Variants in HMCN1 observed in about 807,000 individuals in gnomAD.
The protein encoded by HMCN1 is hemicentin 1, also known as hemicentin-1.
In HMCN1, 321 loss-of-function variants were observed where a neutral mutation model predicts 625.9. That is an observed-to-expected ratio of 0.51 (90% confidence interval 0.47 to 0.56). The LOEUF is 0.56. Among genes scored for constraint, HMCN1 ranks in the 20% least tolerant of loss-of-function variants. The probability of loss-of-function intolerance (pLI) is 0.00; values close to 1 mark genes in which losing one functional copy is unlikely to be tolerated. For synonymous variants in HMCN1, 2,425 were observed against 2,417.6 expected (o/e 1.00, Z -0.09); for missense variants, 6,588 against 6,887.3 (o/e 0.96, Z 1.54).
intron 71 of HMCN1, among the ~76,000 whole-genome samples, chr1:186,111,227 C>T (rs1660871932): frequency 1.3e-5 from 2 of 151,738 alleles, no homozygotes; most frequent in African/African-American, 4.8e-5. Flanking sequence ...GTGATCCACC[C>T]GCCTCAGCCT....
intron 1 of HMCN1, among the ~76,000 whole-genome samples, chr1:185,831,728 A>C (rs921412856): frequency 6.6e-6 from 1 of 152,344 alleles, no homozygotes; most frequent in African/African-American, 2.4e-5. Flanking sequence ...AACGTATAAT[A>C]GAAGAAATAC....
At chr1:186,163,904 C>A (rs1031089061) in intron 97 of HMCN1, among the ~76,000 whole-genome samples, 2 of 152,130 alleles carry the variant, frequency 1.3e-5, no homozygotes, top group Non-Finnish European at 2.9e-5. Context: ...ATGATAGCCC[C>A]CCTATTTATA....
chr1:186,141,029 C>G (rs148693989), intron 89 of HMCN1, among the ~76,000 whole-genome samples: 2 of 152,088 alleles, frequency 1.3e-5, no homozygotes, highest in African/African-American at 4.8e-5. Flanking sequence ...GCATGTTTTC[C>G]TGCAACTAGA....
chr1:186,048,824 A>C lies in HMCN1; in HGVS notation c.6562A>C (p.Asn2188His). Reference sequence around the variant, plus strand: ...TGCTGGAAAAACTGAAAAAAACTACAATGTCAACATTTGGGGTAAGTGTAA... The same window carrying C: ...TGCTGGAAAAACTGAAAAAAACTACCATGTCAACATTTGGGGTAAGTGTAA... ...NVAGKTEKNY[N>H]VNIWVPPNIG... Residue 2188 changes from asparagine (N) to histidine (H), a missense_variant, in exon 42 of 107, where the codon AAT becomes CAT. By Grantham distance (68) the Asn-to-His change is moderately conservative. Around this residue, in one of 3 missense-constraint regions of HMCN1, gnomAD observed 4,628 missense variants for 4,853.1 expected, o/e 0.95. Transcript: ENST00000271588. 1 of 1,606,146 alleles carries C rather than the reference A, an allele frequency of 6.2e-7. No homozygotes were observed. The highest frequency in any genetic ancestry group is 1.7e-4 in the Middle Eastern group (1 of 6,022).
At chr1:185,755,257 T>C (rs894453754) in intron 1 of HMCN1, among the ~76,000 whole-genome samples, 3 of 152,232 alleles carry the variant, frequency 2.0e-5, no homozygotes, top group African/African-American at 2.4e-5. Flanking sequence ...ACATTTAAAA[T>C]TATTACATCT....
intron 13 of HMCN1, 95 bp downstream of exon 13, chr1:185,963,990 C>T: frequency 2.0e-6 from 2 of 992,984 alleles, no homozygotes; most frequent in Non-Finnish European, 3.2e-6. Flanking sequence ...ATTAGTAATG[C>T]ATACATGGTA....
At chr1:186,109,453 T>C (rs1387938263) in intron 71 of HMCN1, among the ~76,000 whole-genome samples, 1 of 152,200 alleles carries the variant, frequency 6.6e-6, no homozygotes, top group Non-Finnish European at 1.5e-5. Context: ...TGCCAGGTGC[T>C]ATGATTGCTA....
In HMCN1 at chr1:186,076,552, C is replaced by G. The variant is rs1658824680; in HGVS notation, c.8415C>G (p.Pro2805=). Residue 2805 remains proline (P), a synonymous_variant, in exon 54 of 107, where the codon CCC becomes CCG. Transcript: ENST00000271588. ...TTTACTGTGAGACAAATGCTGCTCC[C>G]CCTCCTACACTGACATGGTACAAAG... ...ISLYCETNAA[P]PPTLTWYKDG... 6.2e-7 allele frequency: 1 copy of G among 1,613,708 alleles called. No individual in the cohort carries two copies. Among genetic ancestry groups the G allele is most frequent in the African/African-American group, 1.3e-5 (1 of 74,908 alleles).
intron 1 of HMCN1, among the ~76,000 whole-genome samples, chr1:185,825,435 A>G (rs1158968359): frequency 6.6e-6 from 1 of 152,196 alleles, no homozygotes; most frequent in African/African-American, 2.4e-5. Context: ...CCAAGAAAGT[A>G]TGGTAGCAAG....
chr1:185,951,903 ACCTTGAAGGT>A (rs1649198392), intron 11 of HMCN1, among the ~76,000 whole-genome samples: 1 of 151,796 alleles, frequency 6.6e-6, no homozygotes, highest in South Asian at 2.1e-4. Context: ...GTTATTGTAC[ACCTTGAAGGT>A]GAGGTTAATT....
intron 102 of HMCN1, among the ~76,000 whole-genome samples, chr1:186,173,012 C>T (rs753156586): frequency 1.3e-5 from 2 of 151,982 alleles, no homozygotes; most frequent in African/African-American, 2.4e-5. Context: ...AGCAAGAAAG[C>T]CTTGTATAAG....
In HMCN1 at chr1:186,137,872, C is replaced by A. The variant is rs1253417094; in HGVS notation, c.13824C>A (p.Thr4608=). 2 of 1,613,940 alleles carry A rather than the reference C, an allele frequency of 1.2e-6. No individual in the cohort carries two copies. The highest frequency in any genetic ancestry group is 1.7e-6 in the Non-Finnish European group (2 of 1,179,972). ...CTRSCGRGNQ[T]RTRTCNNPSV... Reference sequence around the variant, plus strand: ...GGAGCTGTGGACGCGGCAACCAAACCAGGACCAGGACTTGCAATAATCCAT... The same window carrying A: ...GGAGCTGTGGACGCGGCAACCAAACAAGGACCAGGACTTGCAATAATCCAT... Residue 4608 remains threonine (T), a synonymous_variant, in exon 89 of 107, where the codon ACC becomes ACA. Transcript: ENST00000271588.
chr1:185,788,224 A>G (rs1311410466), intron 1 of HMCN1, among the ~76,000 whole-genome samples: 3 of 152,256 alleles, frequency 2.0e-5, no homozygotes, highest in African/African-American at 7.2e-5. Context: ...CGACACAAAG[A>G]GGACATAGCT....
Position 185,989,500 on chromosome 1 carries a change from A to G in HMCN1, c.3061A>G (p.Ile1021Val), listed in dbSNP as rs1339542492. Residue 1021 changes from isoleucine (I) to valine (V), a missense_variant, in exon 21 of 107, where the codon ATT (isoleucine) becomes GTT (valine). Transcript: ENST00000271588. Reference sequence around the variant, plus strand: ...CCGTGTTTTGCAGAAAGGAGAGCTGATTTCAACCAGCAGTGCTAAGTTTTC... The same window carrying G: ...CCGTGTTTTGCAGAAAGGAGAGCTGGTTTCAACCAGCAGTGCTAAGTTTTC... The part of the protein sequence containing the change: ...SVIWSKKGEL[I>V]STSSAKFSAG... The G allele has an allele frequency of 2.5e-6, 4 of 1,613,974 alleles. No homozygotes were observed. The South Asian group carries it at 3.3e-5, about 13-fold the overall frequency.
chr1:185,890,054 A>C (rs368382377), intron 4 of HMCN1, among the ~76,000 whole-genome samples: 22 of 151,776 alleles, frequency 1.4e-4, no homozygotes, highest in South Asian at 8.3e-4. Flanking sequence ...TGTATGTGTC[A>C]AGGAATTTAT....
chr1:186,018,135 G>A, intron 33 of HMCN1, 48 bp from the exon 34 acceptor site: 2 of 1,449,994 alleles, frequency 1.4e-6, no homozygotes, highest in Non-Finnish European at 1.9e-6. Flanking sequence ...TCTAGGATAT[G>A]ATTTACTTAA....
At chr1:185,881,683 C>T (rs1664321724) in intron 4 of HMCN1, among the ~76,000 whole-genome samples, 1 of 152,270 alleles carries the variant, frequency 6.6e-6, no homozygotes, top group Admixed American at 6.5e-5. Flanking sequence ...TCACAGTGTC[C>T]ATCATTTTTA....
At chr1:186,086,206 A>G in intron 57 of HMCN1, 40 bp from the exon 58 acceptor site, 1 of 1,559,030 alleles carries the variant, frequency 6.4e-7, no homozygotes, top group Non-Finnish European at 8.8e-7. Flanking sequence ...ATATATGTTG[A>G]TAACACCTGC....
intron 1 of HMCN1, among the ~76,000 whole-genome samples, chr1:185,778,652 A>G (rs1020216455): frequency 1.3e-5 from 2 of 151,936 alleles, no homozygotes; most frequent in African/African-American, 4.8e-5. Flanking sequence ...AGTTTCATCC[A>G]TGTCCCTACA....
Sources: allele counts gnomAD v4.1 joint callset (sites outside exome capture counted in the v4.1 genomes callset), GRCh38; gene constraint gnomAD v4.1.1; regional missense constraint gnomAD v4.1.1; transcripts MANE v1.5; gene names NCBI Gene and HGNC (gene_info 2026-07-23, HGNC 2026-07-21).